Variants in MDFIC observed in about 807,000 individuals in gnomAD.
The protein encoded by MDFIC is MyoD family inhibitor domain containing.
In MDFIC, 17 loss-of-function variants were observed where a neutral mutation model predicts 23.2. That is an observed-to-expected ratio of 0.73 (90% confidence interval 0.50 to 1.10). MDFIC has a LOEUF of 1.10. MDFIC is among the 50% of genes least tolerant of loss of function. MDFIC has a pLI of 0.00. For synonymous variants in MDFIC, 120 were observed against 115.2 expected (o/e 1.04, Z -0.27); for missense variants, 356 against 316.6 (o/e 1.12, Z -0.95).
chr7:115,009,995 T>G (rs1791648017), intron 4 of MDFIC, among the ~76,000 whole-genome samples: 1 of 152,194 alleles, frequency 6.6e-6, no homozygotes, highest in Non-Finnish European at 1.5e-5. Flanking sequence ...CCAAGTGGTC[T>G]TCTCAGAGGT....
rs549701430 is a variant in MDFIC at position 114,924,227 on chromosome 7, A to G, written c.94+1100A>G. 1.1e-4 allele frequency among the ~76,000 whole-genome samples: 16 copies of G among 152,328 alleles called. 1 individual carries two copies. In the East Asian group the frequency reaches 1.9e-3, roughly 18 times the overall value. ...AAATCAGAGAACTAGAATGATAAAC[A>G]TATGTTTTCTGAGAAGCAGCCCGTG... On this transcript the variant is annotated intron_variant, in intron 2 of 4. Transcript: ENST00000393486.
intron 4 of MDFIC, among the ~76,000 whole-genome samples, chr7:115,008,227 A>G (rs888489097): frequency 2.6e-5 from 4 of 151,900 alleles, no homozygotes; most frequent in Middle Eastern, 6.8e-3. Flanking sequence ...ATGGAGATGG[A>G]GTCTAGGATT....
rs150248509 is a variant in MDFIC, at chr7:114,948,647, A to G, written c.217+6250A>G. ...TTTTCCTCTTTTCTTCTTCTTTCTC[A>G]TATTATTCTCTGCCTTTCTAACAGA... On this transcript the variant is annotated intron_variant, in intron 3 of 4. Transcript: ENST00000393486. 1.7e-3 allele frequency among the ~76,000 whole-genome samples: 247 copies of G among 148,486 alleles called. 1 individual carries two copies. Among genetic ancestry groups the G allele is most frequent in the African/African-American group, 5.7e-3 (230 of 40,124 alleles).
At chr7:115,003,849 A>T (rs551906706) in intron 4 of MDFIC, among the ~76,000 whole-genome samples, 4 of 152,260 alleles carry the variant, frequency 2.6e-5, no homozygotes, top group Admixed American at 2.6e-4. Flanking sequence ...TCCCTTTCAG[A>T]GCTCCATCTT....
intron 3 of MDFIC, among the ~76,000 whole-genome samples, chr7:114,971,988 T>C (rs1197710727): frequency 6.6e-6 from 1 of 151,876 alleles, no homozygotes; most frequent in African/African-American, 2.4e-5. Flanking sequence ...CAAATAGTAA[T>C]TCAGGAATAA....
In MDFIC at chr7:115,016,133, C is replaced by G; in HGVS notation, c.*198C>G. 1 of 552,988 alleles carries G rather than the reference C, an allele frequency of 1.8e-6. No individual in the cohort carries two copies. The highest frequency in any genetic ancestry group is 3.1e-6 in the Non-Finnish European group (1 of 322,592). The allele number at this position is 552,988 out of a possible 1,614,324, so 34.3% of individuals were successfully genotyped here. On this transcript the variant is annotated 3_prime_UTR_variant, in exon 5 of 5. Transcript: ENST00000393486. ...ATATGTGAAATTTTAACTACTTTAACTAGTTTTATAAATTTCTTAATATGT... is the reference window on the plus strand; with the variant it reads ...ATATGTGAAATTTTAACTACTTTAAGTAGTTTTATAAATTTCTTAATATGT...
At chr7:114,927,336 T>TC (rs1351783001) in intron 2 of MDFIC, among the ~76,000 whole-genome samples, 2 of 151,522 alleles carry the variant, frequency 1.3e-5, no homozygotes, top group Non-Finnish European at 2.9e-5. Flanking sequence ...TTTTTTTTTT[T>TC]TTTGGAGGGA....
intron 3 of MDFIC, among the ~76,000 whole-genome samples, chr7:114,976,382 T>G (rs1274198593): frequency 6.6e-6 from 1 of 152,102 alleles, no homozygotes; most frequent in Non-Finnish European, 1.5e-5. Context: ...TTGGCATCTT[T>G]TTAAATATGT....
At chr7:114,997,022 G>T (rs1357154824) in intron 4 of MDFIC, among the ~76,000 whole-genome samples, 1 of 152,160 alleles carries the variant, frequency 6.6e-6, no homozygotes, top group Non-Finnish European at 1.5e-5. Flanking sequence ...TGTGTCAAAA[G>T]CAACTGAGAA....
intron 2 of MDFIC, among the ~76,000 whole-genome samples, chr7:114,938,236 G>A (rs775667024): frequency 4.6e-5 from 7 of 152,082 alleles, no homozygotes; most frequent in Admixed American, 3.3e-4. Flanking sequence ...GATTACAGGC[G>A]TGAGCCACCA....
At chr7:114,976,567 G>A (rs1793319464) in intron 3 of MDFIC, among the ~76,000 whole-genome samples, 1 of 152,044 alleles carries the variant, frequency 6.6e-6, no homozygotes, top group South Asian at 2.1e-4. Context: ...ATATATAACT[G>A]CTAAACAGAT....
intron 4 of MDFIC, among the ~76,000 whole-genome samples, chr7:114,991,785 A>G (rs1791169596): frequency 6.6e-6 from 1 of 152,188 alleles, no homozygotes; most frequent in Non-Finnish European, 1.5e-5. Flanking sequence ...AGGTAACGTG[A>G]TGCCTCCAGC....
intron 3 of MDFIC, among the ~76,000 whole-genome samples, chr7:114,964,252 G>A (rs1248413109): frequency 6.6e-6 from 1 of 152,096 alleles, no homozygotes; most frequent in Non-Finnish European, 1.5e-5. Flanking sequence ...TGCATGGGAT[G>A]GTTTATAGGG....
chr7:115,000,390 T>C (rs1176526744), intron 4 of MDFIC, among the ~76,000 whole-genome samples: 1 of 152,192 alleles, frequency 6.6e-6, no homozygotes, highest in African/African-American at 2.4e-5. Context: ...TGTGTCCCTG[T>C]ATTTAAACAT....
At chr7:114,972,235 T>C (rs1793218861) in intron 3 of MDFIC, among the ~76,000 whole-genome samples, 2 of 152,294 alleles carry the variant, frequency 1.3e-5, no homozygotes, top group South Asian at 2.1e-4. Flanking sequence ...GTTCAAAATC[T>C]ACAGGCTTAC....
chr7:114,948,536 C>T (rs894499832), intron 3 of MDFIC, among the ~76,000 whole-genome samples: 2 of 151,974 alleles, frequency 1.3e-5, no homozygotes, highest in African/African-American at 4.8e-5. Flanking sequence ...CTTTTGCATC[C>T]CTCCCTCCAG....
rs770963896 is a variant in MDFIC, at chr7:114,926,190, G to T, written c.94+3063G>T. The stretch of plus-strand genomic sequence containing the variant: ...AACTCCTATAATCCAAAGAGCCTTT[G>T]AATTAAGTGCTTCTTTCATAAGTAT... On this transcript the variant is annotated intron_variant, in intron 2 of 4. Transcript: ENST00000393486. Among the ~76,000 whole-genome samples, 59 of 152,258 alleles carry T rather than the reference G, an allele frequency of 3.9e-4. 1 individual carries two copies. The highest frequency in any genetic ancestry group is 6.5e-4 in the Non-Finnish European group (44 of 68,000).
chr7:115,012,840 A>G (rs983574041), intron 4 of MDFIC, among the ~76,000 whole-genome samples: 23 of 151,990 alleles, frequency 1.5e-4, no homozygotes, highest in African/African-American at 4.8e-4. Flanking sequence ...TTAACCAGGC[A>G]TGGTGGCCGG....
At position 114,984,089 on chromosome 7, in the gene MDFIC, C is replaced by T. The variant is rs76672517; in HGVS notation, c.493+4308C>T. ...ACAATCCATGTTCCTAACCTCTGTGCTATTTTGTGTGACTAAAGTTTTCTG... is the reference window on the plus strand; with the variant it reads ...ACAATCCATGTTCCTAACCTCTGTGTTATTTTGTGTGACTAAAGTTTTCTG... On this transcript the variant is annotated intron_variant, in intron 4 of 4. Transcript: ENST00000393486. Among the ~76,000 whole-genome samples the T allele has an allele frequency of 5.4e-3, 819 of 152,134 alleles. 19 individuals carry two copies. Among genetic ancestry groups the T allele is most frequent in the Admixed American group, 0.04 (607 of 15,280 alleles).
Sources: allele counts gnomAD v4.1 joint callset (sites outside exome capture counted in the v4.1 genomes callset), GRCh38; gene constraint gnomAD v4.1.1; transcripts MANE v1.5; gene names NCBI Gene and HGNC (gene_info 2026-07-23, HGNC 2026-07-21).